CALCR: variants seen among roughly 807,000 people sequenced by gnomAD.
CALCR encodes the protein calcitonin receptor.
In CALCR, 47 loss-of-function variants were observed where a neutral mutation model predicts 59.5. That is an observed-to-expected ratio of 0.79 (90% CI 0.63 to 1.01). CALCR has a LOEUF of 1.01. Among genes scored for constraint, CALCR ranks in the 50% least tolerant of loss-of-function variants. The probability of loss-of-function intolerance (pLI) is 0.00; values close to 1 mark genes in which losing one functional copy is unlikely to be tolerated. For synonymous variants in CALCR, 213 were observed against 211.3 expected (o/e 1.01, Z -0.07); for missense variants, 566 against 597.1 (o/e 0.95, Z 0.54).
chr7:93,550,598 A>AC (rs1789427643), intron 2 of CALCR, among the ~76,000 whole-genome samples: 2 of 121,850 alleles, frequency 1.6e-5, no homozygotes, highest in African/African-American at 5.8e-5. Flanking sequence ...ATTTGGGCTA[A>AC]ACACACACAC....
intron 13 of CALCR, among the ~76,000 whole-genome samples, chr7:93,431,962 T>C (rs1365616865): frequency 1.3e-5 from 2 of 152,198 alleles, no homozygotes; most frequent in Non-Finnish European, 2.9e-5. Context: ...ACTGATATGT[T>C]TGGATAATCA....
chr7:93,485,743 G>A (rs1800928834), intron 3 of CALCR, among the ~76,000 whole-genome samples: 1 of 151,430 alleles, frequency 6.6e-6, no homozygotes, highest in Non-Finnish European at 1.5e-5. Context: ...AAAGAAACCT[G>A]CATTTCCAAA....
chr7:93,548,867 T>C (rs1269128173), intron 2 of CALCR, among the ~76,000 whole-genome samples: 1 of 82,180 alleles, frequency 1.2e-5, no homozygotes, highest in Non-Finnish European at 3.7e-5. Context: ...TGTGTGTGTG[T>C]GTGTGTGTGT....
chr7:93,514,176 C>T (rs1156879978), intron 2 of CALCR, among the ~76,000 whole-genome samples: 1 of 151,958 alleles, frequency 6.6e-6, no homozygotes, highest in East Asian at 1.9e-4. Context: ...GAATATAACT[C>T]CTATGCTCAA....
At chr7:93,519,653 G>A (rs1801718941) in intron 2 of CALCR, among the ~76,000 whole-genome samples, 1 of 151,920 alleles carries the variant, frequency 6.6e-6, no homozygotes, top group Admixed American at 6.6e-5. Context: ...ATATGGTTAG[G>A]CTCTGTGTCC....
intron 2 of CALCR, among the ~76,000 whole-genome samples, chr7:93,489,201 G>A (rs190443530): frequency 7.2e-5 from 11 of 151,818 alleles, no homozygotes; most frequent in African/African-American, 2.4e-4. Context: ...AAATCAAGAA[G>A]TTCTTGGAAA....
chr7:93,471,133 A>C (rs995530290), intron 6 of CALCR, among the ~76,000 whole-genome samples: 12 of 151,820 alleles, frequency 7.9e-5, no homozygotes, highest in Non-Finnish European at 1.3e-4. Context: ...TTTCATTCTT[A>C]GATGTGGCCA....
At chr7:93,569,935 G>GACAC (rs3068441) in intron 2 of CALCR, among the ~76,000 whole-genome samples, 34,499 of 143,924 alleles carry the variant, frequency 0.24, 4,388 homozygotes, top group Non-Finnish European at 0.31. Flanking sequence ...GATGTAAAGG[G>GACAC]ACACACACAC....
At chr7:93,509,127 G>T (rs899950540) in intron 2 of CALCR, among the ~76,000 whole-genome samples, 3 of 152,072 alleles carry the variant, frequency 2.0e-5, no homozygotes, top group Non-Finnish European at 1.5e-5. Context: ...TCAGGTAAAA[G>T]CATGGTGCCA....
At chr7:93,438,976 AT>A (rs1352163432) in intron 9 of CALCR, among the ~76,000 whole-genome samples, 6 of 152,098 alleles carry the variant, frequency 3.9e-5, no homozygotes, top group Non-Finnish European at 8.8e-5. Context: ...CCAGATTATA[AT>A]TTTTTAAATC....
intron 2 of CALCR, among the ~76,000 whole-genome samples, chr7:93,507,610 TAA>T (rs879906850): frequency 1.4e-5 from 2 of 141,882 alleles, no homozygotes. Flanking sequence ...AAGTCTGCAT[TAA>T]AAAAAAAAAA....
At chr7:93,463,651 AT>A (rs1800385232) in intron 7 of CALCR, among the ~76,000 whole-genome samples, 1 of 152,040 alleles carries the variant, frequency 6.6e-6, no homozygotes, top group African/African-American at 2.4e-5. Context: ...ATACTATGCC[AT>A]TTTTAATTTA....
chr7:93,534,820 G>A lies in CALCR; in HGVS notation c.-27+39469C>T, dbSNP rs1390586648. On this transcript the variant is annotated intron_variant, in intron 2 of 13. Coordinates refer to ENST00000426151, the MANE Select transcript of CALCR (RefSeq NM_001742.4). ...AAATATTTATTCTAATCCTAGTCCA[G>A]AGAGCTAGTGTTTAGAAATATATAG... Among the ~76,000 whole-genome samples, 4 of 151,644 alleles carry A rather than the reference G, an allele frequency of 2.6e-5. No homozygotes were observed. In the Admixed American group the frequency reaches 2.6e-4, roughly 10 times the overall value.
intron 2 of CALCR, among the ~76,000 whole-genome samples, chr7:93,539,096 T>A (rs1345309956): frequency 6.6e-6 from 1 of 152,138 alleles, no homozygotes; most frequent in African/African-American, 2.4e-5. Context: ...TATGTTGATA[T>A]GTTACAATAG....
chr7:93,481,326 G>C (rs1041980618), intron 3 of CALCR, among the ~76,000 whole-genome samples: 3 of 151,700 alleles, frequency 2.0e-5, no homozygotes, highest in Non-Finnish European at 4.4e-5. Flanking sequence ...TTAAAGTTGC[G>C]GGGTGGGGTG....
chr7:93,517,933 G>A (rs1366003970), intron 2 of CALCR, among the ~76,000 whole-genome samples: 1 of 151,846 alleles, frequency 6.6e-6, no homozygotes, highest in Non-Finnish European at 1.5e-5. Context: ...TATTGGTAGG[G>A]ACAAGATGGG....
Position 93,460,899 on chromosome 7 carries a change from A to T in CALCR, c.570T>A (p.Thr190=). The T allele has an allele frequency of 1.9e-6, 3 of 1,612,188 alleles. No individual in the cohort carries two copies. The highest frequency in any genetic ancestry group is 1.7e-4 in the Middle Eastern group (1 of 6,048). The change falls in exon 8 of 14, where the codon ACT becomes ACA. Residue 190 remains threonine (T), a synonymous_variant. Coordinates refer to ENST00000426151, the MANE Select transcript of CALCR (RefSeq NM_001742.4). ...RVTLHKNMFL[T]YILNSMIIII... ...TGATAATCATAGAATTCAGAATGTA[A>T]GTAAGAAACATGTTCTTGTGCAGGG...
At position 93,436,182 on chromosome 7, in the gene CALCR, C is replaced by T. The variant is rs546143817; in HGVS notation, c.931-12G>A. 8.5e-5 allele frequency: 137 copies of T among 1,604,072 alleles called. 3 individuals are homozygous for T. The South Asian group carries it at 1.0e-3, about 12-fold the overall frequency. On this transcript the variant is annotated splice_polypyrimidine_tract_variant and intron_variant, in intron 11 of 13. Transcript: ENST00000426151. ...AAGAAGAAATTGACCTGCAAATATA[C>T]GGTGTTATGAGCAAATCATACAGAA...
rs146188182 is a variant in CALCR, at chr7:93,554,198, G to C, written c.-27+20091C>G. Among the ~76,000 whole-genome samples, 369 of 152,188 alleles carry C rather than the reference G, an allele frequency of 2.4e-3. 4 individuals carry two copies. The highest frequency in any genetic ancestry group is 7.8e-3 in the African/African-American group (324 of 41,534). Reference sequence around the variant, plus strand: ...CTGTTTATTTTTTATATGAGAAGTTGTACATTTTTAATAAGCCATCATGAA... The same window carrying C: ...CTGTTTATTTTTTATATGAGAAGTTCTACATTTTTAATAAGCCATCATGAA... On this transcript the variant is annotated intron_variant, in intron 2 of 13. Transcript: ENST00000426151.
Sources: allele counts gnomAD v4.1 joint callset (sites outside exome capture counted in the v4.1 genomes callset), GRCh38; gene constraint gnomAD v4.1.1; transcripts MANE v1.5; gene names NCBI Gene and HGNC (gene_info 2026-07-23, HGNC 2026-07-21).